COP1: variants seen among roughly 807,000 people sequenced by gnomAD.
The protein encoded by COP1 is COP1 E3 ubiquitin ligase, also known as E3 ubiquitin-protein ligase COP1.
A neutral mutation model predicts 101.3 loss-of-function variants in COP1; 24 were observed. The ratio of observed to expected loss-of-function variants is 0.24; its 90% CI spans 0.17 to 0.33. The LOEUF (loss-of-function observed/expected upper bound fraction) is 0.33, where lower values mean the gene tolerates loss of function less well. COP1 is among the 10% of genes least tolerant of loss of function. The pLI is 1.00. For missense variants in COP1, 663 were observed against 906.2 expected, an observed-to-expected ratio of 0.73 and a Z score of 3.45; for synonymous variants, 347 against 341.9, an observed-to-expected ratio of 1.01 and a Z score of -0.17.
chr1:175,971,386 A>G (rs1295942263), intron 18 of COP1, among the ~76,000 whole-genome samples: 1 of 152,232 alleles, frequency 6.6e-6, no homozygotes, highest in Non-Finnish European at 1.5e-5. Flanking sequence ...GCAAATTCTT[A>G]TTAAGCAAAT....
At chr1:176,198,444 CAG>C (rs1257147016) in intron 1 of COP1, among the ~76,000 whole-genome samples, 1 of 152,102 alleles carries the variant, frequency 6.6e-6, no homozygotes, top group Non-Finnish European at 1.5e-5. Context: ...TTACCAAACA[CAG>C]TGTATAAAAA....
At chr1:176,098,743 G>C (rs1444806290) in intron 9 of COP1, among the ~76,000 whole-genome samples, 1 of 151,856 alleles carries the variant, frequency 6.6e-6, no homozygotes, top group Non-Finnish European at 1.5e-5. Context: ...AACTTACCTG[G>C]AATAATTTGG....
intron 9 of COP1, among the ~76,000 whole-genome samples, chr1:176,111,727 T>A (rs78475696): frequency 1.3e-5 from 2 of 152,206 alleles, no homozygotes; most frequent in African/African-American, 4.8e-5. Context: ...TACTTTTGGG[T>A]TTTTTTCAGT....
Position 176,206,338 on chromosome 1 carries a change from CACTT to C in COP1, c.407+230_407+233del, listed in dbSNP as rs1365369652. Reference sequence around the variant, plus strand: ...ACTCCCTTCACTTCCTCCTCAGCAACACTTACCTACCTCTTTATTATCCCCACCC... The same window carrying C: ...ACTCCCTTCACTTCCTCCTCAGCAACACCTACCTCTTTATTATCCCCACCC... On this transcript the variant is annotated intron_variant, in intron 1 of 19. Transcript: ENST00000367669. 10 of 538,606 alleles carry C rather than the reference CACTT, an allele frequency of 1.9e-5. No individual in the cohort carries two copies. The East Asian group carries it at 3.3e-4, about 18-fold the overall frequency. 33.4% of individuals were successfully genotyped at this position (538,606 alleles called of 1,614,324 possible).
At chr1:175,999,929 C>A (rs1273995201) in intron 15 of COP1, among the ~76,000 whole-genome samples, 2 of 151,984 alleles carry the variant, frequency 1.3e-5, no homozygotes, top group East Asian at 1.9e-4. Context: ...TCTATTCAAA[C>A]CTTTTACCCA....
chr1:176,126,550 G>A (rs942575253), intron 8 of COP1, among the ~76,000 whole-genome samples: 3 of 151,918 alleles, frequency 2.0e-5, no homozygotes, highest in Non-Finnish European at 4.4e-5. Context: ...TCTGCCTCCC[G>A]GGTTCAAGTG....
At chr1:176,089,739 G>A (rs1463070269) in intron 9 of COP1, among the ~76,000 whole-genome samples, 2 of 152,102 alleles carry the variant, frequency 1.3e-5, no homozygotes, top group Non-Finnish European at 1.5e-5. Context: ...CCCTACAAAC[G>A]ATAAAATCTC....
intron 15 of COP1, among the ~76,000 whole-genome samples, chr1:176,021,479 T>G (rs1557940006): frequency 6.6e-6 from 1 of 152,224 alleles, no homozygotes; most frequent in Non-Finnish European, 1.5e-5. Context: ...CTCTTTTTTG[T>G]ACACTTCTGC....
At chr1:176,101,961 G>C (rs1683485129) in intron 9 of COP1, among the ~76,000 whole-genome samples, 1 of 152,150 alleles carries the variant, frequency 6.6e-6, no homozygotes, top group South Asian at 2.1e-4. Flanking sequence ...GAAAATGATA[G>C]AGACAGGAGG....
At chr1:176,086,539 C>T (rs1312126332) in intron 9 of COP1, among the ~76,000 whole-genome samples, 1 of 151,990 alleles carries the variant, frequency 6.6e-6, no homozygotes, top group East Asian at 1.9e-4. Flanking sequence ...TTTTGGGAAT[C>T]TTAATATCCA....
intron 18 of COP1, among the ~76,000 whole-genome samples, chr1:175,957,146 A>G (rs931019331): frequency 6.6e-6 from 1 of 150,564 alleles, no homozygotes; most frequent in Admixed American, 6.6e-5. Context: ...AAGAAAGAAA[A>G]CATTTTAAAA....
intron 18 of COP1, among the ~76,000 whole-genome samples, chr1:175,976,448 T>C (rs1654621672): frequency 6.6e-6 from 1 of 151,986 alleles, no homozygotes; most frequent in African/African-American, 2.4e-5. Flanking sequence ...TGCCTAATTA[T>C]TGTATTTTTA....
chr1:176,151,392 A>AG (rs1491420950), intron 5 of COP1, among the ~76,000 whole-genome samples: 2 of 149,010 alleles, frequency 1.3e-5, no homozygotes, highest in East Asian at 3.9e-4. Flanking sequence ...AAAGAAAGAA[A>AG]GAAAGAAAGA....
intron 18 of COP1, among the ~76,000 whole-genome samples, chr1:175,980,335 C>G (rs1200053592): frequency 8.2e-6 from 1 of 121,908 alleles, no homozygotes; most frequent in African/African-American, 2.9e-5. Context: ...GGCCAAGAAT[C>G]AGAAGAAACT....
intron 15 of COP1, among the ~76,000 whole-genome samples, chr1:176,021,146 C>A (rs1246706335): frequency 6.6e-6 from 1 of 152,048 alleles, no homozygotes; most frequent in African/African-American, 2.4e-5. Flanking sequence ...CCAGGTCCAG[C>A]CAGGAATCAG....
intron 9 of COP1, among the ~76,000 whole-genome samples, chr1:176,093,489 A>C (rs1211917101): frequency 6.6e-6 from 1 of 152,010 alleles, no homozygotes; most frequent in Non-Finnish European, 1.5e-5. Flanking sequence ...TGGGCGGATT[A>C]CAAGGTCAAG....
chr1:176,066,181 T>G (rs1675931095), intron 11 of COP1, among the ~76,000 whole-genome samples: 1 of 152,202 alleles, frequency 6.6e-6, no homozygotes, highest in South Asian at 2.1e-4. Context: ...TTACTTCTCT[T>G]TATTGCCCTT....
intron 8 of COP1, among the ~76,000 whole-genome samples, chr1:176,129,337 TA>T (rs1688538112): frequency 1.3e-5 from 2 of 151,850 alleles, no homozygotes; most frequent in African/African-American, 4.8e-5. Context: ...AAAAGTGTCA[TA>T]TAAAAGTCTT....
intron 1 of COP1, among the ~76,000 whole-genome samples, chr1:176,206,117 C>A (rs1482048150): frequency 6.6e-6 from 1 of 152,146 alleles, no homozygotes; most frequent in Non-Finnish European, 1.5e-5. Context: ...TAAATTTTGA[C>A]CAACTCCACC....
Sources: gnomAD v4.1 joint callset for allele counts (sites outside exome capture counted in the v4.1 genomes callset) on GRCh38, gnomAD v4.1.1 for gene constraint, MANE v1.5 for transcripts, NCBI Gene and HGNC (gene_info 2026-07-23, HGNC 2026-07-21) for gene names.